SLC12A2: variants seen among roughly 807,000 people sequenced by gnomAD.
SLC12A2 encodes the protein solute carrier family 12 member 2.
A neutral mutation model predicts 136.3 loss-of-function variants in SLC12A2; 67 were observed. The observed-to-expected ratio is 0.49, with a 90% CI of 0.40 to 0.60. The LOEUF is 0.60. Among genes scored for constraint, SLC12A2 ranks in the 20% least tolerant of loss-of-function variants. SLC12A2 has a pLI of 0.00. For missense variants in SLC12A2, 1,322 were observed against 1,534.7 expected (o/e 0.86, Z 2.32); for synonymous variants, 619 against 562.9 (o/e 1.10, Z -1.41).
At chr5:128,177,918 G>A (rs1383617845) in intron 21 of SLC12A2, among the ~76,000 whole-genome samples, 2 of 152,140 alleles carry the variant, frequency 1.3e-5, no homozygotes, top group Non-Finnish European at 1.5e-5. Flanking sequence ...CAGCAGATGG[G>A]TGCCCTTTGA....
intron 6 of SLC12A2, 136 bp from the exon 7 acceptor site, chr5:128,135,564 C>T (rs1762160453): frequency 1.7e-6 from 1 of 583,788 alleles, no homozygotes; most frequent in Non-Finnish European, 3.0e-6. Flanking sequence ...TGGCATATGG[C>T]ATTGTTTAAG....
chr5:128,154,133 T>G (rs1265305600), intron 15 of SLC12A2, among the ~76,000 whole-genome samples: 1 of 152,036 alleles, frequency 6.6e-6, no homozygotes, highest in Admixed American at 6.6e-5. Context: ...AATTTATTTT[T>G]GGGCATGTTG....
intron 15 of SLC12A2, among the ~76,000 whole-genome samples, chr5:128,154,745 G>A (rs1354530477): frequency 1.3e-5 from 2 of 152,066 alleles, no homozygotes; most frequent in South Asian, 2.1e-4. Context: ...TTCTATCCAC[G>A]AAGTTAGTGC....
chr5:128,170,169 T>C (rs962865087), intron 18 of SLC12A2: 2 of 152,226 alleles, frequency 1.3e-5, no homozygotes, highest in African/African-American at 4.8e-5. Context: ...ACAAAAACAT[T>C]TATTTGTTTT....
In SLC12A2 at chr5:128,188,289, C is replaced by CTTTTTTTTTTTTTT. The variant is rs71949635; in HGVS notation, c.*1669_*1682dup. ...AAATTTATGCAGGTTTTCACGAATC[C>CTTTTTTTTTTTTTT]TTTTTTTTTTTTTTTTTTTTTTTTG... On this transcript the variant is annotated 3_prime_UTR_variant, in exon 27 of 27. Coordinates refer to ENST00000262461, the MANE Select transcript of SLC12A2 (RefSeq NM_001046.3). 2.3e-5 allele frequency: 2 copies of CTTTTTTTTTTTTTT among 85,514 alleles called. No homozygotes were observed. The highest frequency in any genetic ancestry group is 2.2e-5 in the Non-Finnish European group (1 of 46,130). The allele number at this position is 85,514 out of a possible 1,614,324, so 5.3% of individuals were successfully genotyped here.
Position 128,138,589 on chromosome 5 carries a change from C to G in SLC12A2, c.1409-8C>G. ...CATTAATTGTCAAGAATATTTTGTT[C>G]TCTGCAGCTGAAATATTTAATGAGA... On this transcript the variant is annotated splice_region_variant and splice_polypyrimidine_tract_variant and intron_variant, in intron 7 of 26. Coordinates refer to ENST00000262461, the MANE Select transcript of SLC12A2 (RefSeq NM_001046.3). The G allele has an allele frequency of 6.2e-7, 1 of 1,602,420 alleles. No homozygotes were observed. Among genetic ancestry groups the G allele is most frequent in the Admixed American group, 1.8e-5 (1 of 56,884 alleles).
intron 1 of SLC12A2, among the ~76,000 whole-genome samples, chr5:128,091,180 G>A (rs1050524251): frequency 2.0e-5 from 3 of 152,048 alleles, no homozygotes; most frequent in Non-Finnish European, 2.9e-5. Flanking sequence ...TAGAATTGTT[G>A]GGATTTGCTG....
rs943569271 is a variant in SLC12A2, at chr5:128,171,551, G to T, written c.2724-116G>T. The T allele has an allele frequency of 8.3e-5, 56 of 676,080 alleles. No homozygotes were observed. The African/African-American group carries it at 1.0e-3, about 12-fold the overall frequency. 41.9% of individuals were successfully genotyped at this position (676,080 alleles called of 1,614,324 possible). ...TTTTCAAAGCATGTTTTAAAAATCA[G>T]ACGTTTAAAGCCGAAAGTAATTTTA... is the stretch of plus-strand genomic sequence containing the variant. On this transcript the variant is annotated intron_variant, in intron 18 of 26. Transcript: ENST00000262461.
chr5:128,151,447 A>G (rs1414239053), intron 14 of SLC12A2, 51 bp downstream of exon 14: 3 of 1,469,684 alleles, frequency 2.0e-6, no homozygotes, highest in South Asian at 1.3e-5. Context: ...TCTAGAAGCT[A>G]GAAAACATCT....
At position 128,189,130 on chromosome 5, in the gene SLC12A2, A is replaced by G. The variant is rs1763965615; in HGVS notation, c.*2499A>G. On this transcript the variant is annotated 3_prime_UTR_variant, in exon 27 of 27. Coordinates refer to ENST00000262461, the MANE Select transcript of SLC12A2 (RefSeq NM_001046.3). ...AAATGCATTACTTTCACTTAACACT[A>G]GACACCAGGTCGAAAATTTTCAAGG... 6.6e-6 allele frequency: 1 copy of G among 152,280 alleles called. No homozygotes were observed. The highest frequency in any genetic ancestry group is 1.5e-5 in the Non-Finnish European group (1 of 68,020). The allele number at this position is 152,280 out of a possible 1,614,324, so 9.4% of individuals were successfully genotyped here.
At chr5:128,157,165 G>A (rs1762893445) in intron 15 of SLC12A2, among the ~76,000 whole-genome samples, 1 of 152,136 alleles carries the variant, frequency 6.6e-6, no homozygotes. Context: ...ATTGTAGTCT[G>A]CAATTCACTT....
intron 7 of SLC12A2, 84 bp from the exon 8 acceptor site, chr5:128,138,513 C>A: frequency 8.1e-7 from 1 of 1,235,978 alleles, no homozygotes; most frequent in Non-Finnish European, 1.1e-6. Flanking sequence ...AGTTAGGGGT[C>A]ATGTATACCT....
At chr5:128,127,053 C>T (rs72794377) in intron 4 of SLC12A2, among the ~76,000 whole-genome samples, 2,122 of 122,800 alleles carry the variant, frequency 0.017, 28 homozygotes, top group Non-Finnish European at 0.027. Flanking sequence ...TCGTTTCTGT[C>T]GAATTTTACT....
intron 4 of SLC12A2, among the ~76,000 whole-genome samples, chr5:128,129,817 C>A (rs368943121): frequency 6.6e-6 from 1 of 151,898 alleles, no homozygotes; most frequent in Non-Finnish European, 1.5e-5. Context: ...ACCTAATGGC[C>A]AAATTTAAAT....
intron 4 of SLC12A2, among the ~76,000 whole-genome samples, chr5:128,127,090 A>G (rs1761840113): frequency 7.7e-6 from 1 of 130,272 alleles, no homozygotes; most frequent in East Asian, 2.3e-4. Flanking sequence ...ATTTTTGAGT[A>G]TGATCATAAG....
intron 17 of SLC12A2, among the ~76,000 whole-genome samples, chr5:128,164,667 T>C (rs966296981): frequency 2.6e-5 from 4 of 152,164 alleles, no homozygotes; most frequent in Non-Finnish European, 5.9e-5. Context: ...ATTAATTTGT[T>C]TGTACAGTGA....
At chr5:128,117,403 A>G (rs1581078276) in intron 4 of SLC12A2, among the ~76,000 whole-genome samples, 1 of 152,350 alleles carries the variant, frequency 6.6e-6, no homozygotes, top group African/African-American at 2.4e-5. Flanking sequence ...CACCTTTGAA[A>G]CATACTCGGG....
At position 128,174,573 on chromosome 5, in the gene SLC12A2, G is replaced by A. The variant is rs1391999386; in HGVS notation, c.2836G>A (p.Gly946Ser). The change falls in exon 20 of 27, where the codon GGC (glycine) becomes AGC (serine). Residue 946 changes from glycine to serine, a missense_variant. Coordinates refer to ENST00000262461, the MANE Select transcript of SLC12A2 (RefSeq NM_001046.3). ...ELLSSQEKSPGTKDVVVSVEY... is the reference protein window; with the variant it reads ...ELLSSQEKSPSTKDVVVSVEY... ...ATTGTCATCACAAGAGAAATCTCCT[G>A]GCACCAAGGATGTGGTAGTAAGTGT... 1 of 1,608,142 alleles carries A rather than the reference G, an allele frequency of 6.2e-7. No homozygotes were observed. Among genetic ancestry groups the A allele is most frequent in the South Asian group, 1.1e-5 (1 of 90,218 alleles).
At chr5:128,175,851 T>C (rs568928663) in intron 20 of SLC12A2, among the ~76,000 whole-genome samples, 1 of 152,132 alleles carries the variant, frequency 6.6e-6, no homozygotes, top group Admixed American at 6.5e-5. Flanking sequence ...TCCGTAGTTA[T>C]AATTTTTATT....
Sources: allele counts gnomAD v4.1 joint callset (sites outside exome capture counted in the v4.1 genomes callset), GRCh38; gene constraint gnomAD v4.1.1; transcripts MANE v1.5; gene names NCBI Gene and HGNC (gene_info 2026-07-23, HGNC 2026-07-21).